The following PLEKHM3 variants were observed in gnomAD, a reference collection of about 807,000 sequenced individuals.
The protein encoded by PLEKHM3 is pleckstrin homology domain containing M3.
In PLEKHM3, 45 loss-of-function variants were observed where a neutral mutation model predicts 81.8. That is an observed-to-expected ratio of 0.55 (90% CI 0.43 to 0.71). PLEKHM3 has a LOEUF of 0.71. Ranked by LOEUF, PLEKHM3 falls within the 30% of genes least tolerant of loss-of-function variation. The pLI, the probability that PLEKHM3 is intolerant of heterozygous loss-of-function variation, is 0.00. For synonymous variants in PLEKHM3, 352 were observed against 356.4 expected, an observed-to-expected ratio of 0.99 and a Z score of 0.14; for missense variants, 788 against 924.3, an observed-to-expected ratio of 0.85 and a Z score of 1.91.
At chr2:207,963,176 G>A (rs574468462) in intron 3 of PLEKHM3, among the ~76,000 whole-genome samples, 2 of 152,230 alleles carry the variant, frequency 1.3e-5, no homozygotes, top group African/African-American at 4.8e-5. Context: ...TACGTTAGTG[G>A]CCTGAAGAAT....
intron 5 of PLEKHM3, among the ~76,000 whole-genome samples, chr2:207,919,443 A>G (rs1029772095): frequency 6.6e-6 from 1 of 152,156 alleles, no homozygotes; most frequent in Admixed American, 6.6e-5. Context: ...GAACAGACTG[A>G]AGGGGGATAA....
intron 3 of PLEKHM3, among the ~76,000 whole-genome samples, chr2:207,974,758 A>C (rs922345247): frequency 1.3e-5 from 2 of 151,986 alleles, no homozygotes; most frequent in Non-Finnish European, 2.9e-5. Flanking sequence ...TTTCAAAACC[A>C]TTTTCCAAAA....
intron 3 of PLEKHM3, among the ~76,000 whole-genome samples, chr2:207,974,063 T>C (rs984383615): frequency 2.0e-5 from 3 of 152,176 alleles, no homozygotes; most frequent in Admixed American, 2.0e-4. Context: ...TCCGTACTAC[T>C]ACCCTTACCC....
At chr2:207,918,543 A>ACAAAAAAC (rs568043053) in intron 5 of PLEKHM3, among the ~76,000 whole-genome samples, 2 of 146,466 alleles carry the variant, frequency 1.4e-5, no homozygotes, top group African/African-American at 5.5e-5. Context: ...AAACAAACAA[A>ACAAAAAAC]AAACAAACAA....
rs369960773 is a variant in PLEKHM3 at position 207,828,262 on chromosome 2, G to A, written c.*57C>T. The A allele has an allele frequency of 1.8e-5, 28 of 1,555,350 alleles. No homozygotes were observed. In the African/African-American group the frequency reaches 2.3e-4, roughly 13 times the overall value. On this transcript the variant is annotated 3_prime_UTR_variant, in exon 8 of 8. Transcript: ENST00000427836. ...GGTCTAACTGGCTAGTTAGGAGGCC[G>A]CTCTGGGGCTGATGGATTGTTGATT...
chr2:207,845,825 G>A (rs192644487), intron 7 of PLEKHM3, among the ~76,000 whole-genome samples: 5 of 152,304 alleles, frequency 3.3e-5, no homozygotes, highest in South Asian at 2.1e-4. Context: ...AATATAAAAA[G>A]TCTATTCCCT....
rs190076636 is a variant in PLEKHM3, at chr2:207,855,437, G to C, written c.2108+5668C>G. On this transcript the variant is annotated intron_variant, in intron 7 of 7. Coordinates refer to ENST00000427836, the MANE Select transcript of PLEKHM3 (RefSeq NM_001080475.3). The stretch of plus-strand genomic sequence containing the variant: ...AAAAAAAATAAGTGAGGAAGAGACA[G>C]ATCTCCCATGTGGAAGGATTCTAAA... Among the ~76,000 whole-genome samples, 4 of 152,296 alleles carry C rather than the reference G, an allele frequency of 2.6e-5. No individual in the cohort carries two copies. In the East Asian group the frequency reaches 7.7e-4, roughly 29 times the overall value.
chr2:208,018,112 C>T (rs1468177919), intron 1 of PLEKHM3, among the ~76,000 whole-genome samples: 6 of 152,128 alleles, frequency 3.9e-5, no homozygotes, highest in East Asian at 1.9e-4. Context: ...CAGTGGTTCA[C>T]GCCTGTAATC....
chr2:207,921,403 T>C (rs1208444357), intron 5 of PLEKHM3, among the ~76,000 whole-genome samples: 1 of 152,196 alleles, frequency 6.6e-6, no homozygotes, highest in East Asian at 1.9e-4. Flanking sequence ...TAATGATATG[T>C]ATTGATAGAG....
intron 7 of PLEKHM3, among the ~76,000 whole-genome samples, chr2:207,842,238 T>A (rs1447740477): frequency 6.6e-6 from 1 of 152,140 alleles, no homozygotes; most frequent in Non-Finnish European, 1.5e-5. Context: ...CTGGCCCCCA[T>A]CTTTTTATTA....
chr2:207,883,275 T>C (rs1005493324), intron 6 of PLEKHM3, among the ~76,000 whole-genome samples: 1 of 152,214 alleles, frequency 6.6e-6, no homozygotes, highest in Admixed American at 6.5e-5. Context: ...TCTGTGGCCT[T>C]AGATCTGTTT....
intron 2 of PLEKHM3, among the ~76,000 whole-genome samples, chr2:207,989,345 G>A (rs1372131237): frequency 6.6e-6 from 1 of 152,180 alleles, no homozygotes; most frequent in Non-Finnish European, 1.5e-5. Flanking sequence ...TGCCTGGGAA[G>A]TTCTTAAAAG....
chr2:207,865,805 T>A (rs6740987), intron 6 of PLEKHM3, among the ~76,000 whole-genome samples: 9,066 of 23,796 alleles, frequency 0.38, 2,361 homozygotes, highest in Non-Finnish European at 0.44. Flanking sequence ...AAAAAAAAGA[T>A]ATATATATAT....
chr2:207,839,642 G>A (rs549774055), intron 7 of PLEKHM3, among the ~76,000 whole-genome samples: 80 of 152,236 alleles, frequency 5.3e-4, no homozygotes, highest in Non-Finnish European at 1.0e-3. Flanking sequence ...TGTTAGAAAG[G>A]CTAATTAGTG....
chr2:208,012,578 C>G (rs1256106243), intron 1 of PLEKHM3, among the ~76,000 whole-genome samples: 1 of 152,158 alleles, frequency 6.6e-6, no homozygotes, highest in African/African-American at 2.4e-5. Context: ...ACCCCTCAGC[C>G]ACTCAGACTA....
At chr2:207,874,075 T>C (rs2092548341) in intron 6 of PLEKHM3, among the ~76,000 whole-genome samples, 3 of 152,248 alleles carry the variant, frequency 2.0e-5, no homozygotes, top group South Asian at 4.1e-4. Context: ...CAATTTCACA[T>C]GTCCTATATT....
chr2:207,855,411 T>TA (rs911866591), intron 7 of PLEKHM3, among the ~76,000 whole-genome samples: 16 of 151,714 alleles, frequency 1.1e-4, no homozygotes, highest in African/African-American at 2.2e-4. Flanking sequence ...AATAAACAAC[T>TA]AAAAAAAATA....
chr2:207,872,445 G>C (rs192615237), intron 6 of PLEKHM3, among the ~76,000 whole-genome samples: 24 of 152,318 alleles, frequency 1.6e-4, no homozygotes, highest in Admixed American at 1.2e-3. Context: ...TTCTGAATAT[G>C]AAGATGATCT....
chr2:207,916,813 A>G (rs1394750177), intron 5 of PLEKHM3, among the ~76,000 whole-genome samples: 1 of 152,216 alleles, frequency 6.6e-6, no homozygotes, highest in Non-Finnish European at 1.5e-5. Flanking sequence ...TCAGAATAAG[A>G]GAAAACATCC....
Sources: allele counts gnomAD v4.1 joint callset (sites outside exome capture counted in the v4.1 genomes callset), GRCh38; gene constraint gnomAD v4.1.1; transcripts MANE v1.5; gene names NCBI Gene and HGNC (gene_info 2026-07-23, HGNC 2026-07-21).